TMEM40: variants seen among roughly 807,000 people sequenced by gnomAD.
TMEM40 encodes transmembrane protein 40.
A neutral mutation model predicts 40.8 loss-of-function variants in TMEM40; 34 were observed. The ratio of observed to expected loss-of-function variants is 0.83; its 90% confidence interval spans 0.63 to 1.11. The LOEUF is 1.11. Among genes scored for constraint, TMEM40 ranks in the 50% least tolerant of loss-of-function variants. The pLI, the probability that TMEM40 is intolerant of heterozygous loss-of-function variation, is 0.00. For synonymous variants in TMEM40, 106 were observed against 107.0 expected, an observed-to-expected ratio of 0.99 and a Z score of 0.06; for missense variants, 296 against 280.2, an observed-to-expected ratio of 1.06 and a Z score of -0.40.
chr3:12,754,317 A>T (rs1452271944), intron 1 of TMEM40, among the ~76,000 whole-genome samples: 1 of 152,010 alleles, frequency 6.6e-6, no homozygotes, highest in Non-Finnish European at 1.5e-5. Flanking sequence ...GTCTCAAAAC[A>T]ACAACAACAA....
chr3:12,755,233 C>CTTTCTTTCTT lies in TMEM40; in HGVS notation c.-9+3957_-9+3958insAAGAAAGAAA, dbSNP rs56969040. Among the ~76,000 whole-genome samples the CTTTCTTTCTT allele has an allele frequency of 8.5e-3, 508 of 59,938 alleles. 1 individual carries two copies. The highest frequency in any genetic ancestry group is 0.013 in the South Asian group (26 of 2,022). 39.3% of individuals were successfully genotyped at this position (59,938 alleles called of 152,430 possible). A position where few individuals can be genotyped will look rare whatever the true frequency, so the allele number is the denominator to read the frequency against. Reference sequence around the variant, plus strand: ...TTTCTTTCTCTCTCTCTCTCTCTCTCTCTTTCTTTCTTTCTTTCTTTCTTT... The same window carrying CTTTCTTTCTT: ...TTTCTTTCTCTCTCTCTCTCTCTCTCTTTCTTTCTTTCTTTCTTTCTTTCTTTCTTTCTTT... On this transcript the variant is annotated intron_variant, in intron 1 of 11. Transcript: ENST00000314124.
chr3:12,758,401 C>T (rs1033540130), intron 1 of TMEM40, among the ~76,000 whole-genome samples: 2 of 152,144 alleles, frequency 1.3e-5, no homozygotes, highest in African/African-American at 4.8e-5. Flanking sequence ...TTCTCATTCC[C>T]CTTAAAAGGA....
intron 5 of TMEM40, among the ~76,000 whole-genome samples, chr3:12,739,897 C>T (rs941500804): frequency 2.0e-5 from 3 of 151,256 alleles, no homozygotes; most frequent in Non-Finnish European, 4.4e-5. Context: ...AATCATGACT[C>T]ACTGCAGTCT....
chr3:12,758,666 A>G (rs1436318338), intron 1 of TMEM40, among the ~76,000 whole-genome samples: 3 of 152,138 alleles, frequency 2.0e-5, no homozygotes, highest in Non-Finnish European at 4.4e-5. Flanking sequence ...TCTTCCTTCC[A>G]AGTCTCCCAA....
intron 1 of TMEM40, among the ~76,000 whole-genome samples, chr3:12,755,180 CTCCTTCCT>C (rs143320946): frequency 0.084 from 10,617 of 126,932 alleles, 1,476 homozygotes; most frequent in African/African-American, 0.27. Context: ...TTCTCTCTCT[CTCCTTCCT>C]TCCTTCCTTC....
intron 3 of TMEM40, among the ~76,000 whole-genome samples, chr3:12,746,803 G>A (rs2061432428): frequency 6.6e-6 from 1 of 152,192 alleles, no homozygotes. Flanking sequence ...AGACTCCAGG[G>A]TGTCTGGGTG....
intron 3 of TMEM40, among the ~76,000 whole-genome samples, chr3:12,744,562 T>A (rs1426240416): frequency 6.6e-6 from 1 of 152,248 alleles, no homozygotes; most frequent in Non-Finnish European, 1.5e-5. Context: ...GGTCTTGTGA[T>A]GTGCCTCTCT....
intron 1 of TMEM40, among the ~76,000 whole-genome samples, chr3:12,766,049 A>T (rs1470644622): frequency 6.6e-6 from 1 of 151,356 alleles, no homozygotes; most frequent in Non-Finnish European, 1.5e-5. Flanking sequence ...TAGTAGAAAG[A>T]GGGTTTTGCC....
Position 12,736,798 on chromosome 3 carries a change from G to A in TMEM40, c.510C>T (p.Ile170=), listed in dbSNP as rs1356218473. ...FFHFVLLCFA[I]GALLVCYHYY... is the part of the protein sequence containing the mutation. ...AGTGATAACACACCAGCAAGGCCCCGATGGCAAAGCACAGGAGGACGAAAT... is the reference window on the plus strand; with the variant it reads ...AGTGATAACACACCAGCAAGGCCCCAATGGCAAAGCACAGGAGGACGAAAT... The change falls in exon 9 of 12, where the codon ATC becomes ATT. Residue 170 remains isoleucine, a synonymous_variant. Coordinates refer to ENST00000314124, the MANE Select transcript of TMEM40 (RefSeq NM_018306.4). 5.6e-6 allele frequency: 9 copies of A among 1,614,108 alleles called. No individual in the cohort carries two copies. Among genetic ancestry groups the A allele is most frequent in the South Asian group, 2.2e-5 (2 of 91,072 alleles).
chr3:12,758,944 G>C (rs1212941824), intron 1 of TMEM40, among the ~76,000 whole-genome samples: 1 of 152,144 alleles, frequency 6.6e-6, no homozygotes. Context: ...ATTGGGAGCT[G>C]GTCACCTACC....
chr3:12,742,742 G>A (rs552835263), intron 4 of TMEM40, among the ~76,000 whole-genome samples: 127 of 152,262 alleles, frequency 8.3e-4, no homozygotes, highest in African/African-American at 2.9e-3. Context: ...GAGAGGACCT[G>A]GACCTTGCTC....
upstream of TMEM40, among the ~76,000 whole-genome samples, chr3:12,759,855 C>T (rs143025265): frequency 6.7e-3 from 1,014 of 152,256 alleles, 8 homozygotes; most frequent in Non-Finnish European, 8.0e-3. Context: ...AGACCTCACA[C>T]AGCCGAGGGC....
Position 12,733,675 on chromosome 3 carries a change from C to A in TMEM40, c.*1099G>T, listed in dbSNP as rs1253170755. ...AGTTTTGAGAACAGCATGTCTGTGA[C>A]CATCAAGAACTCAGTTCAAGTTCAG... On this transcript the variant is annotated 3_prime_UTR_variant, in exon 12 of 12. Transcript: ENST00000314124. The A allele has an allele frequency of 6.6e-6, 1 of 151,668 alleles. No individual in the cohort carries two copies. Among genetic ancestry groups the A allele is most frequent in the African/African-American group, 2.4e-5 (1 of 41,004 alleles). The allele number at this position is 151,668 out of a possible 1,614,324, so 9.4% of individuals were successfully genotyped here. A position where few individuals can be genotyped will look rare whatever the true frequency, so the allele number is the denominator to read the frequency against.
At chr3:12,739,165 A>AT (rs1320346347) in intron 5 of TMEM40, 6 of 153,064 alleles carry the variant, frequency 3.9e-5, no homozygotes, top group Admixed American at 1.3e-4. Flanking sequence ...CAAAAAAAAA[A>AT]GTTTGGTAAC....
At chr3:12,749,692 G>A (rs1463669341) in intron 2 of TMEM40, 68 bp downstream of exon 2, 1 of 1,442,686 alleles carries the variant, frequency 6.9e-7, no homozygotes, top group Admixed American at 1.8e-5. Flanking sequence ...GTCTTCTTCT[G>A]TCCCTTCTAC....
At chr3:12,769,129 CCCGGGA>C (rs1323031258) in intron 1 of TMEM40, 7 of 222,446 alleles carry the variant, frequency 3.1e-5, no homozygotes, top group African/African-American at 1.5e-4. Flanking sequence ...CCCCTCACTG[CCCGGGA>C]CTGGCGGGGC....
chr3:12,752,826 G>GAAA (rs1477709406), intron 1 of TMEM40, among the ~76,000 whole-genome samples: 1 of 151,756 alleles, frequency 6.6e-6, no homozygotes, highest in Non-Finnish European at 1.5e-5. Flanking sequence ...AAGAAAGAAA[G>GAAA]AAAGAAACTT....
At position 12,742,605 on chromosome 3, in the gene TMEM40, C is replaced by T. The variant is rs1384028074; in HGVS notation, c.302-98G>A. 8 of 1,418,418 alleles carry T rather than the reference C, an allele frequency of 5.6e-6. No individual in the cohort carries two copies. The African/African-American group carries it at 1.1e-4, about 20-fold the overall frequency. 87.9% of individuals were successfully genotyped at this position (1,418,418 alleles called of 1,614,324 possible). ...TTCGACGCTTAAGAAGTACCACAGTCCTTGTGCTGGAGGTGAGGTGGGGGG... is the reference window on the plus strand; with the variant it reads ...TTCGACGCTTAAGAAGTACCACAGTTCTTGTGCTGGAGGTGAGGTGGGGGG... On this transcript the variant is annotated intron_variant, in intron 4 of 11. Transcript: ENST00000314124.
intron 3 of TMEM40, among the ~76,000 whole-genome samples, chr3:12,747,910 CAAAA>C (rs747586371): frequency 1.5e-4 from 4 of 27,564 alleles, no homozygotes; most frequent in Non-Finnish European, 2.5e-4. Context: ...GATTCTGTCT[CAAAA>C]AAAAAAAAAA....
Sources: allele counts gnomAD v4.1 joint callset (sites outside exome capture counted in the v4.1 genomes callset), GRCh38; gene constraint gnomAD v4.1.1; transcripts MANE v1.5; gene names NCBI Gene and HGNC (gene_info 2026-07-23, HGNC 2026-07-21).